TTC7B: variants seen among roughly 807,000 people sequenced by gnomAD.
TTC7B encodes the protein tetratricopeptide repeat protein 7B.
In TTC7B, 28 loss-of-function variants were observed where a neutral mutation model predicts 106.8. The observed-to-expected ratio is 0.26, with a 90% CI of 0.19 to 0.36. The LOEUF is 0.36. TTC7B is among the 10% of genes least tolerant of loss of function. The pLI is 1.00. For missense variants in TTC7B, 862 were observed against 1,076.4 expected, an observed-to-expected ratio of 0.80 and a Z score of 2.79; for synonymous variants, 405 against 430.6, an observed-to-expected ratio of 0.94 and a Z score of 0.74.
chr14:90,581,726 G>A (rs1891499342), intron 18 of TTC7B, among the ~76,000 whole-genome samples: 1 of 152,186 alleles, frequency 6.6e-6, no homozygotes, highest in African/African-American at 2.4e-5. Flanking sequence ...AAGAATCAAT[G>A]TGGAGAAAGC....
At chr14:90,795,569 T>C (rs1002466044) in intron 1 of TTC7B, among the ~76,000 whole-genome samples, 2 of 152,200 alleles carry the variant, frequency 1.3e-5, no homozygotes, top group African/African-American at 4.8e-5. Flanking sequence ...CCACCTCCCT[T>C]GCTCGCTAGC....
intron 9 of TTC7B, among the ~76,000 whole-genome samples, chr14:90,660,663 A>T (rs965380964): frequency 2.0e-5 from 3 of 152,084 alleles, no homozygotes; most frequent in Non-Finnish European, 2.9e-5. Flanking sequence ...TGAAGGAAGG[A>T]GGGCAAGGAG....
rs776809525 is a variant in TTC7B at position 90,780,846 on chromosome 14, A to G, written c.337T>C (p.Tyr113His). 8 of 1,614,122 alleles carry G rather than the reference A, an allele frequency of 5.0e-6. No individual in the cohort carries two copies. In the East Asian group the frequency reaches 1.8e-4, roughly 36 times the overall value. The change falls in exon 3 of 20, where the codon TAT becomes CAT. Residue 113 changes from tyrosine (Y) to histidine (H), a missense_variant. Coordinates refer to ENST00000328459, the MANE Select transcript of TTC7B (RefSeq NM_001010854.2). ...GCGTAAATGTTCAGAGCTTCTTTAT[A>G]ATCACCTTCCACATAATTCAACTTG... ...MAKLNYVEGDYKEALNIYARV... is the reference protein window; with the variant it reads ...MAKLNYVEGDHKEALNIYARV...
intron 5 of TTC7B, among the ~76,000 whole-genome samples, chr14:90,724,034 C>T (rs1297163664): frequency 6.6e-6 from 1 of 152,168 alleles, no homozygotes; most frequent in East Asian, 1.9e-4. Context: ...AGAATACACA[C>T]AATACCGAGT....
chr14:90,565,289 G>C (rs1890743754), intron 19 of TTC7B, among the ~76,000 whole-genome samples: 1 of 151,700 alleles, frequency 6.6e-6, no homozygotes, highest in African/African-American at 2.4e-5. Context: ...TAATTTCCTT[G>C]AACAACTTTT....
At chr14:90,781,057 C>A in intron 2 of TTC7B, 151 bp from the exon 3 acceptor site, 1 of 685,480 alleles carries the variant, frequency 1.5e-6, no homozygotes. Context: ...TCCACAATAG[C>A]CAAACAGTGG....
At chr14:90,726,635 T>C (rs1352119991) in intron 5 of TTC7B, among the ~76,000 whole-genome samples, 2 of 152,174 alleles carry the variant, frequency 1.3e-5, no homozygotes, top group Non-Finnish European at 2.9e-5. Flanking sequence ...GTGACTGATA[T>C]TCACCCTACT....
At chr14:90,803,579 C>CTCTT (rs2030407415) in intron 1 of TTC7B, among the ~76,000 whole-genome samples, 1 of 152,202 alleles carries the variant, frequency 6.6e-6, no homozygotes, top group African/African-American at 2.4e-5. Flanking sequence ...CTAGTTGGAA[C>CTCTT]TCTTGACTGA....
In TTC7B at chr14:90,530,975, A is replaced by T. The variant is rs866311646; in HGVS notation, c.*10393T>A. 7.9e-5 allele frequency: 12 copies of T among 152,220 alleles called. No homozygotes were observed. Among genetic ancestry groups the T allele is most frequent in the African/African-American group, 2.2e-4 (9 of 41,458 alleles). 9.4% of individuals were successfully genotyped at this position (152,220 alleles called of 1,614,324 possible). Reference sequence around the variant, plus strand: ...TATGAAAATAAAAAATTAAAATTCTATAGAATTTGAAGAACAAAATGTAAA... The same window carrying T: ...TATGAAAATAAAAAATTAAAATTCTTTAGAATTTGAAGAACAAAATGTAAA... On this transcript the variant is annotated 3_prime_UTR_variant, in exon 20 of 20. Coordinates refer to ENST00000328459, the MANE Select transcript of TTC7B (RefSeq NM_001010854.2).
At position 90,758,858 on chromosome 14, in the gene TTC7B, A is replaced by G. The variant is rs565858418; in HGVS notation, c.446-13936T>C. 2.0e-5 allele frequency among the ~76,000 whole-genome samples: 3 copies of G among 152,320 alleles called. No individual in the cohort carries two copies. The South Asian group carries it at 6.2e-4, about 32-fold the overall frequency. On this transcript the variant is annotated intron_variant, in intron 3 of 19. Transcript: ENST00000328459. ...ACTCCCCTTCTCAAATGGGGGCTCT[A>G]TTCCTGTCTCTAGCTCTGGAGTTGT...
At chr14:90,741,989 C>A (rs924161817) in intron 4 of TTC7B, among the ~76,000 whole-genome samples, 1 of 152,170 alleles carries the variant, frequency 6.6e-6, no homozygotes, top group Non-Finnish European at 1.5e-5. Flanking sequence ...CGTGTACCTA[C>A]GCTGAGATTT....
rs1474654805 is a variant in TTC7B at position 90,774,011 on chromosome 14, C to T, written c.445+6727G>A. 2.0e-5 allele frequency among the ~76,000 whole-genome samples: 3 copies of T among 152,204 alleles called. No individual in the cohort carries two copies. The East Asian group carries it at 5.8e-4, about 29-fold the overall frequency. ...AGCCCTGGACCTATATGATGAAAGG[C>T]TTCTATTCAGAGGAGCCACTGCTGT... is the stretch of plus-strand genomic sequence containing the variant. On this transcript the variant is annotated intron_variant, in intron 3 of 19. Coordinates refer to ENST00000328459, the MANE Select transcript of TTC7B (RefSeq NM_001010854.2).
intron 2 of TTC7B, among the ~76,000 whole-genome samples, chr14:90,783,523 A>G (rs1432105892): frequency 6.6e-6 from 1 of 152,216 alleles, no homozygotes; most frequent in African/African-American, 2.4e-5. Context: ...CCTCAAAACA[A>G]TCCTGGGTTA....
chr14:90,771,575 G>T (rs1890863920), intron 3 of TTC7B, among the ~76,000 whole-genome samples: 1 of 152,018 alleles, frequency 6.6e-6, no homozygotes, highest in Admixed American at 6.6e-5. Flanking sequence ...ACTCCAACCT[G>T]GGCGACAAAG....
In TTC7B at chr14:90,808,292, A is replaced by AAG. The variant is rs147923742; in HGVS notation, c.121+7881_121+7882dup. On this transcript the variant is annotated intron_variant, in intron 1 of 19. Transcript: ENST00000328459. The surrounding 1 kb of genome is among the most constrained non-coding windows in gnomAD (Gnocchi z 4.2). ...GAAACCCGTCTCTACAGAAAAAATGAAGAGAGAGAGAGAGAAAGACAGAGA... is the reference window on the plus strand; with the variant it reads ...GAAACCCGTCTCTACAGAAAAAATGAAGAGAGAGAGAGAGAGAAAGACAGAGA... Among the ~76,000 whole-genome samples the AAG allele has an allele frequency of 9.2e-5, 14 of 152,098 alleles. No individual in the cohort carries two copies. Among genetic ancestry groups the AAG allele is most frequent in the African/African-American group, 2.4e-4 (10 of 41,510 alleles).
At chr14:90,786,648 C>T (rs56037697) in intron 1 of TTC7B, among the ~76,000 whole-genome samples, 6,317 of 152,110 alleles carry the variant, frequency 0.042, 169 homozygotes, top group Non-Finnish European at 0.057. Flanking sequence ...AGCACGATCT[C>T]GGCTCACCGC....
rs751989036 is a variant in TTC7B at position 90,608,275 on chromosome 14, G to A, written c.1966+2467C>T. 2.0e-4 allele frequency among the ~76,000 whole-genome samples: 31 copies of A among 152,234 alleles called. No individual in the cohort carries two copies. The highest frequency in any genetic ancestry group is 9.8e-4 in the Admixed American group (15 of 15,294). ...TGTCATTTCAGAATATTTTACCCTC[G>A]TTTACAAATATGATAAGGCCTCCTA... On this transcript the variant is annotated intron_variant, in intron 17 of 19. Coordinates refer to ENST00000328459, the MANE Select transcript of TTC7B (RefSeq NM_001010854.2). The surrounding 1 kb of genome is among the most constrained non-coding windows in gnomAD (Gnocchi z 5.1).
In TTC7B at chr14:90,759,969, C is replaced by T. The variant is rs1387169100; in HGVS notation, c.446-15047G>A. On this transcript the variant is annotated intron_variant, in intron 3 of 19. Coordinates refer to ENST00000328459, the MANE Select transcript of TTC7B (RefSeq NM_001010854.2). The surrounding 1 kb of genome is among the most constrained non-coding windows in gnomAD (Gnocchi z 4.1). ...ACACCCAACCCAGAATAAGCACTCA[C>T]ATATTTGCTGATTTAATGAATTAAT... Among the ~76,000 whole-genome samples, 1 of 152,190 alleles carries T rather than the reference C, an allele frequency of 6.6e-6. No homozygotes were observed. The highest frequency in any genetic ancestry group is 2.4e-5 in the African/African-American group (1 of 41,448).
At chr14:90,590,492 A>G (rs1188076066) in intron 18 of TTC7B, among the ~76,000 whole-genome samples, 1 of 152,204 alleles carries the variant, frequency 6.6e-6, no homozygotes, top group African/African-American at 2.4e-5. Context: ...CTCAGACACC[A>G]TGGCTTTGGG....
Sources: allele counts gnomAD v4.1 joint callset (sites outside exome capture counted in the v4.1 genomes callset), GRCh38; gene constraint gnomAD v4.1.1; non-coding constraint Gnocchi (gnomAD v3.1); transcripts MANE v1.5; gene names NCBI Gene and HGNC (gene_info 2026-07-23, HGNC 2026-07-21).